Variants in EDAR observed in about 807,000 individuals in gnomAD.
EDAR encodes ectodysplasin A receptor, also known as tumor necrosis factor receptor superfamily member EDAR.
In EDAR, 38 loss-of-function variants were observed where a neutral mutation model predicts 51.3. The ratio of observed to expected loss-of-function variants is 0.74; its 90% confidence interval spans 0.57 to 0.97. The LOEUF (loss-of-function observed/expected upper bound fraction) is 0.97, where lower values mean the gene tolerates loss of function less well. Ranked by LOEUF, EDAR falls within the 50% of genes least tolerant of loss-of-function variation. EDAR has a pLI of 0.00. For synonymous variants in EDAR, 227 were observed against 242.1 expected (o/e 0.94, Z 0.58); for missense variants, 528 against 595.0 (o/e 0.89, Z 1.17).
At chr2:108,986,344 C>A (rs559887478) in intron 1 of EDAR, among the ~76,000 whole-genome samples, 20 of 152,254 alleles carry the variant, frequency 1.3e-4, no homozygotes, top group Admixed American at 1.3e-3. Context: ...ATGAGTGTGT[C>A]TGGGGCTGAC....
intron 1 of EDAR, among the ~76,000 whole-genome samples, chr2:108,939,387 A>G (rs779079959): frequency 1.3e-5 from 2 of 152,180 alleles, no homozygotes; most frequent in African/African-American, 2.4e-5. Flanking sequence ...GGGTTTCACC[A>G]TGTTGGCAAG....
At chr2:108,988,561 T>A (rs965213038) in intron 1 of EDAR, among the ~76,000 whole-genome samples, 1 of 152,024 alleles carries the variant, frequency 6.6e-6, no homozygotes, top group African/African-American at 2.4e-5. Flanking sequence ...TGGAGGCAGG[T>A]ACAGAGCCCA....
chr2:108,977,282 T>C (rs1319823405), intron 1 of EDAR, among the ~76,000 whole-genome samples: 1 of 152,114 alleles, frequency 6.6e-6, no homozygotes, highest in African/African-American at 2.4e-5. Context: ...CCTTTTCTTT[T>C]TTTTGAGATG....
At chr2:108,983,707 G>A (rs576328330) in intron 1 of EDAR, among the ~76,000 whole-genome samples, 26 of 152,218 alleles carry the variant, frequency 1.7e-4, no homozygotes, top group Admixed American at 3.9e-4. Context: ...TCCAGGTGCT[G>A]GTGGCTCCGT....
At chr2:108,911,188 C>G in intron 6 of EDAR, 116 bp from the exon 7 acceptor site, 1 of 1,321,446 alleles carries the variant, frequency 7.6e-7, no homozygotes, top group Non-Finnish European at 1.1e-6. Context: ...TTCAGGGAAC[C>G]CTGAAATCTG....
intron 1 of EDAR, among the ~76,000 whole-genome samples, chr2:108,969,025 GC>G (rs1030884844): frequency 5.9e-5 from 9 of 152,200 alleles, no homozygotes; most frequent in African/African-American, 2.2e-4. Context: ...AATCAGCAAG[GC>G]CACCTCAAGG....
At chr2:108,936,747 G>T (rs1697476817) in intron 1 of EDAR, among the ~76,000 whole-genome samples, 1 of 152,228 alleles carries the variant, frequency 6.6e-6, no homozygotes, top group African/African-American at 2.4e-5. Context: ...TCTCAGCTGA[G>T]TAGTGCTAAT....
chr2:108,909,868 G>C (rs181479916), intron 9 of EDAR, among the ~76,000 whole-genome samples: 1 of 152,210 alleles, frequency 6.6e-6, no homozygotes, highest in Non-Finnish European at 1.5e-5. Flanking sequence ...GCCTGGACTC[G>C]GACCCCAGCC....
intron 7 of EDAR, 44 bp from the exon 8 acceptor site, chr2:108,910,894 G>C (rs540285589): frequency 1.8e-5 from 29 of 1,613,852 alleles, no homozygotes; most frequent in Non-Finnish European, 2.5e-5. Context: ...CTCCGACAGG[G>C]GGAGTTGACG....
At chr2:108,934,774 C>G (rs541202600) in intron 1 of EDAR, among the ~76,000 whole-genome samples, 2 of 152,326 alleles carry the variant, frequency 1.3e-5, no homozygotes, top group East Asian at 3.9e-4. Flanking sequence ...GAGGGCAGAG[C>G]CTCACGACCT....
At chr2:108,952,532 G>T (rs1477950510) in intron 1 of EDAR, among the ~76,000 whole-genome samples, 1 of 152,136 alleles carries the variant, frequency 6.6e-6, no homozygotes, top group African/African-American at 2.4e-5. Flanking sequence ...TTTCATTTCA[G>T]ATATACTTTT....
At chr2:108,985,440 C>T (rs748707783) in intron 1 of EDAR, among the ~76,000 whole-genome samples, 5 of 152,238 alleles carry the variant, frequency 3.3e-5, no homozygotes, top group Admixed American at 6.5e-5. Flanking sequence ...GCAGGGCTAC[C>T]GCCACAGGTG....
intron 1 of EDAR, among the ~76,000 whole-genome samples, chr2:108,961,657 G>A (rs569743745): frequency 6.6e-6 from 1 of 152,314 alleles, no homozygotes; most frequent in Non-Finnish European, 1.5e-5. Context: ...GAAACTCTAT[G>A]GTCAGAACAC....
chr2:108,946,379 T>C (rs1697715375), intron 1 of EDAR, among the ~76,000 whole-genome samples: 1 of 152,230 alleles, frequency 6.6e-6, no homozygotes, highest in Non-Finnish European at 1.5e-5. Flanking sequence ...TGGTAAAGAC[T>C]TGCAGAGCTG....
In EDAR at chr2:108,910,983, T is replaced by C. The variant is rs573163925; in HGVS notation, c.619A>G (p.Met207Val). ...GGCTTTGTCTTCAGGATGTAGAACA[T>C]GATGATGAGGACGATGGCGATGGCC... ...IMAIAIVLII[M>V]FYILKTKPSA... The change falls in exon 7 of 12, where the codon ATG becomes GTG. Residue 207 changes from methionine to valine, a missense_variant. Coordinates refer to ENST00000258443, the MANE Select transcript of EDAR (RefSeq NM_022336.4). 1.9e-6 allele frequency: 3 copies of C among 1,614,034 alleles called. No homozygotes were observed. The highest frequency in any genetic ancestry group is 2.2e-5 in the South Asian group (2 of 91,070).
intron 1 of EDAR, among the ~76,000 whole-genome samples, chr2:108,947,836 C>T (rs965962786): frequency 4.6e-5 from 7 of 152,208 alleles, no homozygotes; most frequent in Admixed American, 4.6e-4. Flanking sequence ...CCTCCACTGT[C>T]TTGACTATTA....
In EDAR at chr2:108,896,876, G is replaced by A. The variant is rs1696605245; in HGVS notation, c.*31C>T. On this transcript the variant is annotated 3_prime_UTR_variant, in exon 12 of 12. Transcript: ENST00000258443. The stretch of plus-strand genomic sequence containing the variant: ...AGAGCCCTCGTTGGCTCCTTGGCTT[G>A]TCCTGGGAGGACAGCCCACAGGCAT... 2 of 1,597,584 alleles carry A rather than the reference G, an allele frequency of 1.3e-6. No individual in the cohort carries two copies. Among genetic ancestry groups the A allele is most frequent in the Non-Finnish European group, 1.7e-6 (2 of 1,171,608 alleles).
chr2:108,901,966 A>C (rs1251828830), intron 11 of EDAR, among the ~76,000 whole-genome samples: 1 of 152,026 alleles, frequency 6.6e-6, no homozygotes, highest in African/African-American at 2.4e-5. Context: ...AGGGCTGGGC[A>C]TGGTGGCTCA....
At chr2:108,917,435 A>G (rs1172154740) in intron 5 of EDAR, among the ~76,000 whole-genome samples, 6 of 152,330 alleles carry the variant, frequency 3.9e-5, no homozygotes, top group Admixed American at 3.9e-4. Flanking sequence ...CAAAGAAGTG[A>G]TAAACGTTTG....
Sources: gnomAD v4.1 joint callset for allele counts (sites outside exome capture counted in the v4.1 genomes callset) on GRCh38, gnomAD v4.1.1 for gene constraint, MANE v1.5 for transcripts, NCBI Gene and HGNC (gene_info 2026-07-23, HGNC 2026-07-21) for gene names.